TSHZ3: variants seen among roughly 807,000 people sequenced by gnomAD.
TSHZ3 encodes the protein teashirt homolog 3.
In TSHZ3, 10 loss-of-function variants were observed where a neutral mutation model predicts 64.5. The ratio of observed to expected loss-of-function variants is 0.16; its 90% confidence interval spans 0.10 to 0.26. The LOEUF (loss-of-function observed/expected upper bound fraction) is 0.26, where lower values mean the gene tolerates loss of function less well. Ranked by LOEUF, TSHZ3 falls within the 10% of genes least tolerant of loss-of-function variation. The probability of loss-of-function intolerance (pLI) is 1.00; values close to 1 mark genes in which losing one functional copy is unlikely to be tolerated. For missense variants in TSHZ3, 1,242 were observed against 1,421.7 expected (o/e 0.87, Z 2.03); for synonymous variants, 608 against 593.1 (o/e 1.03, Z -0.36).
At chr19:31,291,250 A>T (rs1976560375) in intron 1 of TSHZ3, among the ~76,000 whole-genome samples, 1 of 152,214 alleles carries the variant, frequency 6.6e-6, no homozygotes, top group Admixed American at 6.5e-5. Context: ...ATGGGAAACA[A>T]GAGTCCAAGA....
At chr19:31,334,067 A>C (rs1917172773) in intron 1 of TSHZ3, among the ~76,000 whole-genome samples, 2 of 152,108 alleles carry the variant, frequency 1.3e-5, no homozygotes, top group African/African-American at 4.8e-5. Context: ...AGAACCAAGA[A>C]CATGCTGTTA....
chr19:31,298,767 C>T (rs373494650), intron 1 of TSHZ3, among the ~76,000 whole-genome samples: 9 of 151,668 alleles, frequency 5.9e-5, no homozygotes, highest in Admixed American at 3.3e-4. Flanking sequence ...GGACACAGAA[C>T]GAGGACTGGA....
chr19:31,194,863 T>C (rs903690596), intron 5 of TSHZ3, among the ~76,000 whole-genome samples: 2 of 152,036 alleles, frequency 1.3e-5, no homozygotes, highest in Non-Finnish European at 1.5e-5. Flanking sequence ...AGACAGGCAA[T>C]GTAAGCAGGG....
intron 1 of TSHZ3, among the ~76,000 whole-genome samples, chr19:31,267,287 G>A (rs1446676217): frequency 6.6e-6 from 1 of 152,104 alleles, no homozygotes; most frequent in East Asian, 1.9e-4. Context: ...TGAGAATTGT[G>A]CAGGGTCCAG....
At chr19:31,266,143 C>T (rs956419514) in intron 1 of TSHZ3, among the ~76,000 whole-genome samples, 1 of 152,082 alleles carries the variant, frequency 6.6e-6, no homozygotes, top group Admixed American at 6.5e-5. Context: ...GAGCCCATGT[C>T]CCCCTACACT....
chr19:31,306,297 A>T (rs552208683), intron 1 of TSHZ3, among the ~76,000 whole-genome samples: 2 of 152,292 alleles, frequency 1.3e-5, no homozygotes, highest in Admixed American at 1.3e-4. Flanking sequence ...GACAAATTGG[A>T]TGGGACTTCA....
intron 4 of TSHZ3, among the ~76,000 whole-genome samples, chr19:31,213,794 A>G (rs1975292106): frequency 6.6e-6 from 1 of 152,264 alleles, no homozygotes; most frequent in South Asian, 2.1e-4. Context: ...GCTGGCACTT[A>G]GCGCACGTTT....
At chr19:31,280,483 T>C (rs1261840452) in intron 1 of TSHZ3, among the ~76,000 whole-genome samples, 1 of 152,068 alleles carries the variant, frequency 6.6e-6, no homozygotes, top group East Asian at 1.9e-4. Context: ...CTGTCCCCCA[T>C]GTGAACACTC....
intron 1 of TSHZ3, among the ~76,000 whole-genome samples, chr19:31,306,110 C>T (rs542582984): frequency 1.2e-4 from 18 of 152,306 alleles, no homozygotes; most frequent in African/African-American, 3.8e-4. Context: ...CGGGGAGTGA[C>T]GCACAGGTGT....
intron 3 of TSHZ3, among the ~76,000 whole-genome samples, chr19:31,233,058 T>C (rs1420983874): frequency 2.6e-5 from 4 of 152,220 alleles, no homozygotes; most frequent in Admixed American, 2.0e-4. Flanking sequence ...TGGACATATG[T>C]TTTCATTTCT....
chr19:31,350,305 T>A (rs971268828), upstream of TSHZ3, among the ~76,000 whole-genome samples: 1 of 148,368 alleles, frequency 6.7e-6, no homozygotes, highest in Non-Finnish European at 1.5e-5. Flanking sequence ...TTCCCCCAAT[T>A]TTTTTTCCCC....
chr19:31,247,678 T>C (rs1381977697), intron 1 of TSHZ3, among the ~76,000 whole-genome samples: 1 of 152,198 alleles, frequency 6.6e-6, no homozygotes, highest in East Asian at 1.9e-4. Context: ...TGACGGGTTA[T>C]CCTATCAATA....
chr19:31,244,905 A>G (rs964302293), intron 1 of TSHZ3, among the ~76,000 whole-genome samples: 1 of 152,158 alleles, frequency 6.6e-6, no homozygotes, highest in African/African-American at 2.4e-5. Flanking sequence ...CAGCCTCCCA[A>G]AGTGTTAGGA....
intron 1 of TSHZ3, among the ~76,000 whole-genome samples, chr19:31,301,114 T>A (rs193087577): frequency 1.2e-3 from 186 of 152,212 alleles, no homozygotes; most frequent in African/African-American, 4.3e-3. Context: ...CCCCCTCGGC[T>A]ACAATAGGAG....
intron 5 of TSHZ3, among the ~76,000 whole-genome samples, chr19:31,178,025 G>C (rs760414665): frequency 2.6e-5 from 4 of 152,170 alleles, no homozygotes; most frequent in Non-Finnish European, 5.9e-5. Flanking sequence ...AGGCTAACAG[G>C]CCTGGGCTTA....
chr19:31,225,606 A>C (rs989918706), intron 4 of TSHZ3, among the ~76,000 whole-genome samples: 19 of 152,054 alleles, frequency 1.2e-4, no homozygotes, highest in Admixed American at 4.6e-4. Flanking sequence ...GCCCATCTGC[A>C]CCTCCCCATC....
At chr19:31,232,798 C>T (rs376056363) in intron 3 of TSHZ3, among the ~76,000 whole-genome samples, 2 of 152,142 alleles carry the variant, frequency 1.3e-5, no homozygotes, top group East Asian at 1.9e-4. Flanking sequence ...ATAATTGGAA[C>T]TTAATATAAA....
intron 5 of TSHZ3, among the ~76,000 whole-genome samples, chr19:31,196,234 A>G (rs1220016399): frequency 1.8e-4 from 27 of 152,022 alleles, no homozygotes; most frequent in Admixed American, 1.8e-3. Context: ...TACAGTTATT[A>G]TAGTTATTTA....
intron 1 of TSHZ3, among the ~76,000 whole-genome samples, chr19:31,245,207 G>A (rs182538213): frequency 6.6e-6 from 1 of 152,198 alleles, no homozygotes; most frequent in Admixed American, 6.5e-5. Context: ...GTTAAAGTCT[G>A]GGGTCTGGAT....
Sources: allele counts gnomAD v4.1 joint callset (sites outside exome capture counted in the v4.1 genomes callset), GRCh38; gene constraint gnomAD v4.1.1; transcripts MANE v1.5; gene names NCBI Gene and HGNC (gene_info 2026-07-23, HGNC 2026-07-21).